The following USP25 variants were observed in gnomAD, a reference collection of about 807,000 sequenced individuals.
USP25 encodes ubiquitin specific peptidase 25, also known as ubiquitin carboxyl-terminal hydrolase 25.
Under a neutral mutation model 158.5 loss-of-function variants are expected in USP25, and 85 were observed. The ratio of observed to expected loss-of-function variants is 0.54; its 90% confidence interval spans 0.45 to 0.64. The LOEUF (loss-of-function observed/expected upper bound fraction) is 0.64, where lower values mean the gene tolerates loss of function less well. USP25 is among the 30% of genes least tolerant of loss of function. The pLI, the probability that USP25 is intolerant of heterozygous loss-of-function variation, is 0.00. For synonymous variants in USP25, 464 were observed against 460.4 expected (o/e 1.01, Z -0.10); for missense variants, 1,242 against 1,327.3 (o/e 0.94, Z 1.00).
intron 23 of USP25, among the ~76,000 whole-genome samples, chr21:15,873,372 C>T (rs955656040): frequency 4.6e-5 from 7 of 151,970 alleles, no homozygotes; most frequent in African/African-American, 7.3e-5. Context: ...CCTGTCACCA[C>T]CACCTCCCAA....
chr21:15,841,834 A>G (rs1042575491), intron 17 of USP25, among the ~76,000 whole-genome samples: 3 of 152,070 alleles, frequency 2.0e-5, no homozygotes, highest in Non-Finnish European at 2.9e-5. Context: ...TTCATTGTAC[A>G]TTGTTGGATA....
chr21:15,733,033 CTT>C (rs2031090926), intron 1 of USP25, among the ~76,000 whole-genome samples: 2 of 144,938 alleles, frequency 1.4e-5, no homozygotes, highest in African/African-American at 2.5e-5. Flanking sequence ...GGACATATAT[CTT>C]CAGCCTTTGT....
chr21:15,819,360 GTTTC>G (rs1450431660), intron 10 of USP25, among the ~76,000 whole-genome samples: 1 of 152,234 alleles, frequency 6.6e-6, no homozygotes, highest in Middle Eastern at 3.4e-3. Context: ...ACCTCAACTA[GTTTC>G]TTTCTTTCCA....
At chr21:15,730,645 C>T (rs1171193602) in intron 1 of USP25, among the ~76,000 whole-genome samples, 3 of 152,224 alleles carry the variant, frequency 2.0e-5, no homozygotes, top group Non-Finnish European at 4.4e-5. Flanking sequence ...GGGCTTCAAT[C>T]CACTTCCTTC....
intron 9 of USP25, among the ~76,000 whole-genome samples, chr21:15,813,701 C>G (rs2036789670): frequency 6.6e-6 from 1 of 152,104 alleles, no homozygotes; most frequent in Non-Finnish European, 1.5e-5. Flanking sequence ...CCCTCCCATA[C>G]TCTTTTTCAG....
At chr21:15,748,622 G>T (rs2032757358) in intron 1 of USP25, among the ~76,000 whole-genome samples, 1 of 151,924 alleles carries the variant, frequency 6.6e-6, no homozygotes, top group South Asian at 2.1e-4. Flanking sequence ...TTTTATTATG[G>T]TTTTACTGAA....
At chr21:15,738,270 T>C (rs938931189) in intron 1 of USP25, among the ~76,000 whole-genome samples, 11 of 152,224 alleles carry the variant, frequency 7.2e-5, no homozygotes, top group Non-Finnish European at 1.5e-4. Flanking sequence ...GTTCCTTTTT[T>C]TCAGAAGTAA....
intron 4 of USP25, among the ~76,000 whole-genome samples, chr21:15,790,395 A>T (rs531597583): frequency 3.9e-5 from 6 of 152,168 alleles, no homozygotes; most frequent in African/African-American, 1.4e-4. Context: ...CTGTATTCAC[A>T]TGGATATTTT....
chr21:15,864,482 G>T (rs748997936), intron 21 of USP25, 36 bp downstream of exon 21: 8 of 1,514,446 alleles, frequency 5.3e-6, no homozygotes, highest in Admixed American at 4.6e-5. Flanking sequence ...TGCTCAAATC[G>T]TTCTTTTTTT....
chr21:15,866,202 A>AATAT (rs147076784), intron 21 of USP25, 64 bp from the exon 22 acceptor site: 27,723 of 892,082 alleles, frequency 0.031, 224 homozygotes, highest in Middle Eastern at 0.072. Context: ...TTGATTTACA[A>AATAT]ATATATATAT....
Position 15,818,790 on chromosome 21 carries a change from A to G in USP25, c.1024A>G (p.Ile342Val), listed in dbSNP as rs755207804. 1 of 1,613,950 alleles carries G rather than the reference A, an allele frequency of 6.2e-7. No homozygotes were observed. The highest frequency in any genetic ancestry group is 2.2e-5 in the East Asian group (1 of 44,846). Residue 342 changes from isoleucine to valine, a missense_variant, in exon 10 of 26, where the codon ATT (isoleucine) becomes GTT (valine). Physicochemically the swap from Ile to Val is conservative, Grantham distance 29 (BLOSUM62 3). Transcript: ENST00000400183. ...GCATGAGTGCCTAGAAGCTGCAATG[A>G]TTGAAGGAGAAATTGAGTCTTTACA... ...DLHECLEAAM[I>V]EGEIESLHSE...
At chr21:15,797,967 A>T (rs1211010898) in intron 5 of USP25, among the ~76,000 whole-genome samples, 1 of 151,230 alleles carries the variant, frequency 6.6e-6, no homozygotes, top group East Asian at 1.9e-4. Context: ...TAGCCATTAT[A>T]GGCATGCAAG....
intron 8 of USP25, among the ~76,000 whole-genome samples, chr21:15,809,182 G>T (rs1322968427): frequency 6.6e-6 from 1 of 152,204 alleles, no homozygotes; most frequent in African/African-American, 2.4e-5. Context: ...AATGTGAATT[G>T]TGACAAAATC....
chr21:15,770,359 A>G (rs2034284658), intron 3 of USP25, among the ~76,000 whole-genome samples: 1 of 152,156 alleles, frequency 6.6e-6, no homozygotes, highest in Admixed American at 6.5e-5. Flanking sequence ...GATTGATTAG[A>G]TGCATTTTAT....
intron 5 of USP25, chr21:15,799,478 A>C (rs754976270): frequency 7.7e-5 from 16 of 209,052 alleles, no homozygotes; most frequent in Non-Finnish European, 1.3e-4. Context: ...TATTTTGAGG[A>C]AACTGCTTAA....
chr21:15,745,477 T>C (rs1029120073), intron 1 of USP25, among the ~76,000 whole-genome samples: 6 of 144,868 alleles, frequency 4.1e-5, no homozygotes, highest in East Asian at 2.1e-4. Flanking sequence ...TCTTTTCTTT[T>C]TTTTTTTTTT....
In USP25 at chr21:15,807,238, C is replaced by T. The variant is rs531984664; in HGVS notation, c.781-1571C>T. ...CCACCACACTTGGCCCCAATTGATA[C>T]TGTCAATTTTAATCATACCTTTAAT... On this transcript the variant is annotated intron_variant, in intron 7 of 25. Transcript: ENST00000400183. 2.6e-5 allele frequency among the ~76,000 whole-genome samples: 4 copies of T among 152,300 alleles called. 1 individual carries two copies. The South Asian group carries it at 6.2e-4, about 24-fold the overall frequency.
chr21:15,802,621 T>C (rs1446194113), intron 6 of USP25, among the ~76,000 whole-genome samples: 4 of 151,560 alleles, frequency 2.6e-5, no homozygotes, highest in Non-Finnish European at 4.4e-5. Context: ...ACATGACATA[T>C]CAAAATTTGA....
intron 10 of USP25, among the ~76,000 whole-genome samples, chr21:15,822,819 A>C (rs1287468858): frequency 6.6e-6 from 1 of 152,028 alleles, no homozygotes; most frequent in African/African-American, 2.4e-5. Context: ...TATATTTTTC[A>C]TAATTTTATT....
Sources: allele counts gnomAD v4.1 joint callset (sites outside exome capture counted in the v4.1 genomes callset), GRCh38; gene constraint gnomAD v4.1.1; transcripts MANE v1.5; gene names NCBI Gene and HGNC (gene_info 2026-07-23, HGNC 2026-07-21).